BECN1: variants seen among roughly 807,000 people sequenced by gnomAD.
BECN1 encodes the protein beclin-1.
BECN1 carries 15 observed loss-of-function variants against 60.1 expected under a neutral mutation model. The observed-to-expected ratio is 0.25, with a 90% confidence interval of 0.17 to 0.38. The LOEUF (loss-of-function observed/expected upper bound fraction) is 0.38, where lower values mean the gene tolerates loss of function less well. Among genes scored for constraint, BECN1 ranks in the 10% least tolerant of loss-of-function variants. The pLI, the probability that BECN1 is intolerant of heterozygous loss-of-function variation, is 1.00. For synonymous variants in BECN1, 179 were observed against 201.8 expected (o/e 0.89, Z 0.96); for missense variants, 424 against 548.2 (o/e 0.77, Z 2.26).
rs146110339 is a variant in BECN1 at position 42,822,060 on chromosome 17, G to A, written c.131-1219C>T. 2.0e-3 allele frequency among the ~76,000 whole-genome samples: 309 copies of A among 152,220 alleles called. 2 individuals are homozygous for A. Among genetic ancestry groups the A allele is most frequent in the African/African-American group, 7.3e-3 (302 of 41,526 alleles). Reference sequence around the variant, plus strand: ...TCTACTAAAAATACAAAAATTAGCTGGGCGTGGCGGTGTGTGCCTGCAGTC... The same window carrying A: ...TCTACTAAAAATACAAAAATTAGCTAGGCGTGGCGGTGTGTGCCTGCAGTC... On this transcript the variant is annotated intron_variant, in intron 2 of 11. Coordinates refer to ENST00000590099, the MANE Select transcript of BECN1 (RefSeq NM_001313998.2).
intron 8 of BECN1, 182 bp from the exon 9 acceptor site, chr17:42,814,855 G>T: frequency 1.3e-6 from 1 of 746,318 alleles, no homozygotes; most frequent in Non-Finnish European, 2.1e-6. Context: ...CTGCTCAGAT[G>T]CCAAAGCAGA....
At position 42,810,600 on chromosome 17, in the gene BECN1, G is replaced by T; in HGVS notation, c.*160C>A. Reference sequence around the variant, plus strand: ...CATGTTGTAGCTCTGGAAAGTATCTGTCACATGATATTTTAAAATAAAGTG... The same window carrying T: ...CATGTTGTAGCTCTGGAAAGTATCTTTCACATGATATTTTAAAATAAAGTG... On this transcript the variant is annotated 3_prime_UTR_variant, in exon 12 of 12. Coordinates refer to ENST00000590099, the MANE Select transcript of BECN1 (RefSeq NM_001313998.2). 1 of 734,648 alleles carries T rather than the reference G, an allele frequency of 1.4e-6. No individual in the cohort carries two copies. Among genetic ancestry groups the T allele is most frequent in the Non-Finnish European group, 2.0e-6 (1 of 491,854 alleles). The allele number at this position is 734,648 out of a possible 1,614,324, so 45.5% of individuals were successfully genotyped here. A position where few individuals can be genotyped will look rare whatever the true frequency, so the allele number is the denominator to read the frequency against.
At chr17:42,817,946 G>A in intron 7 of BECN1, among the ~76,000 whole-genome samples, 1 of 152,134 alleles carries the variant, frequency 6.6e-6, no homozygotes. Context: ...ATCCAAATGA[G>A]CCCATTCCCT....
At chr17:42,821,917 A>G (rs1240292744) in intron 2 of BECN1, among the ~76,000 whole-genome samples, 1 of 152,226 alleles carries the variant, frequency 6.6e-6, no homozygotes, top group Non-Finnish European at 1.5e-5. Context: ...ATTGTTATTA[A>G]AAGAGTTTAA....
intron 9 of BECN1, 117 bp downstream of exon 9, chr17:42,814,407 G>GA: frequency 7.1e-7 from 1 of 1,409,436 alleles, no homozygotes; most frequent in South Asian, 1.3e-5. Flanking sequence ...TTCAGCCACA[G>GA]AAAACTCCCA....
chr17:42,823,962 G>A, intron 1 of BECN1, 83 bp from the exon 2 acceptor site: 1 of 1,513,646 alleles, frequency 6.6e-7, no homozygotes, highest in Non-Finnish European at 9.0e-7. Context: ...CCTTGGTGAC[G>A]ATGGTAAAGG....
Position 42,820,787 on chromosome 17 carries a change from G to A in BECN1, c.185C>T (p.Thr62Ile), listed in dbSNP as rs947007000. ...CACTTCTATTACCTCTCCTGAGTTAGTCTCTTCCTCCTGGGTCTCTCCTGG... is the reference window on the plus strand; with the variant it reads ...CACTTCTATTACCTCTCCTGAGTTAATCTCTTCCTCCTGGGTCTCTCCTGG... ...AKPGETQEEE[T>I]NSGEEPFIET... The change falls in exon 3 of 12, where the codon ACT (threonine) becomes ATT (isoleucine). Residue 62 changes from threonine (T) to isoleucine (I), a missense_variant. Coordinates refer to ENST00000590099, the MANE Select transcript of BECN1 (RefSeq NM_001313998.2). The A allele has an allele frequency of 4.4e-6, 7 of 1,592,468 alleles. No homozygotes were observed. The highest frequency in any genetic ancestry group is 1.8e-5 in the Admixed American group (1 of 56,710).
intron 2 of BECN1, among the ~76,000 whole-genome samples, chr17:42,822,569 T>A (rs1217522955): frequency 1.3e-5 from 2 of 152,176 alleles, no homozygotes; most frequent in East Asian, 3.9e-4. Flanking sequence ...TGGGGTTTTT[T>A]ATTTTTTTTA....
intron 8 of BECN1, 27 bp downstream of exon 8, chr17:42,815,881 T>C (rs764238116): frequency 1.2e-6 from 2 of 1,613,974 alleles, no homozygotes; most frequent in African/African-American, 1.3e-5. Flanking sequence ...ATATGTGCAG[T>C]GCTCCTCATC....
In BECN1 at chr17:42,818,649, C is replaced by T. The variant is rs753640543; in HGVS notation, c.383G>A (p.Gly128Asp). The T allele has an allele frequency of 3.1e-6, 5 of 1,614,172 alleles. No individual in the cohort carries two copies. The highest frequency in any genetic ancestry group is 4.2e-6 in the Non-Finnish European group (5 of 1,180,032). ...VTGDLFDIMS[G>D]QTDVDHPLCE... ...GAGTGGGTGATCCACATCTGTCTGG[C>T]CCGACATGATGTCAAAAAGGTCCCC... Residue 128 changes from glycine to aspartate, a missense_variant, in exon 6 of 12, where the codon GGC becomes GAC. Coordinates refer to ENST00000590099, the MANE Select transcript of BECN1 (RefSeq NM_001313998.2).
rs768996795 is a variant in BECN1, at chr17:42,818,599, A to G, written c.433T>C (p.Leu145=). The G allele has an allele frequency of 2.4e-5, 38 of 1,614,052 alleles. No individual in the cohort carries two copies. The highest frequency in any genetic ancestry group is 1.6e-4 in the Middle Eastern group (1 of 6,084). The change falls in exon 6 of 12, where the codon TTA becomes CTA. Residue 145 remains leucine, a synonymous_variant. Coordinates refer to ENST00000590099, the MANE Select transcript of BECN1 (RefSeq NM_001313998.2). ...TTGAGCTGAGTGTCCAGCTGGTCTA[A>G]AAGAGTATCTGTGCATTCCTCACAG... The part of the protein sequence containing the change: ...PLCEECTDTL[L]DQLDTQLNVT...
chr17:42,820,788 T>C lies in BECN1; in HGVS notation c.184A>G (p.Thr62Ala), dbSNP rs2055247088. ...ACTTCTATTACCTCTCCTGAGTTAG[T>C]CTCTTCCTCCTGGGTCTCTCCTGGT... ...AKPGETQEEETNSGEEPFIET... is the reference protein window; with the variant it reads ...AKPGETQEEEANSGEEPFIET... The change falls in exon 3 of 12, where the codon ACT (threonine) becomes GCT (alanine). Residue 62 changes from threonine (T) to alanine (A), a missense_variant. Around this residue, in one of 3 missense-constraint regions of BECN1, gnomAD observed 96 missense variants for 125.6 expected, o/e 0.76. Transcript: ENST00000590099. 1 of 1,592,758 alleles carries C rather than the reference T, an allele frequency of 6.3e-7. No homozygotes were observed. Among genetic ancestry groups the C allele is most frequent in the African/African-American group, 1.3e-5 (1 of 74,738 alleles).
rs772415357 is a variant in BECN1 at position 42,813,943 on chromosome 17, A to T, written c.1041+5T>A. On this transcript the variant is annotated splice_donor_5th_base_variant and intron_variant, in intron 10 of 11. Transcript: ENST00000590099. ...TTCCAGTGAAAATGGAGCTTCACAG[A>T]GTACCTTAGATTTGTCTGTCAGAGA... is the stretch of plus-strand genomic sequence containing the variant. 4 of 1,582,118 alleles carry T rather than the reference A, an allele frequency of 2.5e-6. No homozygotes were observed. Among genetic ancestry groups the T allele is most frequent in the Non-Finnish European group, 3.5e-6 (4 of 1,157,720 alleles).
In BECN1 at chr17:42,818,909, G is replaced by C. The variant is rs1374180615; in HGVS notation, c.261-32C>G. On this transcript the variant is annotated intron_variant, in intron 4 of 11. Transcript: ENST00000590099. ...ACAGCCCCCCGCCCACGGGCCACAT[G>C]AGGGAACAGAGAGGCTTCCTCCACC... 4 of 1,610,682 alleles carry C rather than the reference G, an allele frequency of 2.5e-6. No individual in the cohort carries two copies. In the African/African-American group the frequency reaches 5.3e-5, roughly 21 times the overall value.
chr17:42,810,521 A>G lies in BECN1; in HGVS notation c.*239T>C. 1 of 344,462 alleles carries G rather than the reference A, an allele frequency of 2.9e-6. No individual in the cohort carries two copies. Among genetic ancestry groups the G allele is most frequent in the Non-Finnish European group, 5.2e-6 (1 of 193,714 alleles). The allele number at this position is 344,462 out of a possible 1,614,324, so 21.3% of individuals were successfully genotyped here. On this transcript the variant is annotated 3_prime_UTR_variant, in exon 12 of 12. Coordinates refer to ENST00000590099, the MANE Select transcript of BECN1 (RefSeq NM_001313998.2). The stretch of plus-strand genomic sequence containing the variant: ...AGTTTTTTTCAGAGAAGAAAGGGAA[A>G]GGAGTCCATGGGGTTAAGAATCAAA...
intron 8 of BECN1, 127 bp downstream of exon 8, chr17:42,815,781 G>T: frequency 1.6e-6 from 2 of 1,257,450 alleles, no homozygotes; most frequent in Non-Finnish European, 2.3e-6. Flanking sequence ...CACTATGAAT[G>T]AAAGAAACCT....
Position 42,823,837 on chromosome 17 carries a change from A to T in BECN1, c.41T>A (p.Val14Glu), listed in dbSNP as rs768622632. The T allele has an allele frequency of 6.2e-7, 1 of 1,614,000 alleles. No homozygotes were observed. Among genetic ancestry groups the T allele is most frequent in the Non-Finnish European group, 8.5e-7 (1 of 1,179,962 alleles). ...SKTSNNSTMQ[V>E]SFVCQRCSQP... Reference sequence around the variant, plus strand: ...GCTGCAGCGCTGGCACACGAAGCTCACCTGCATGGTGCTGTTGTTGGACGT... The same window carrying T: ...GCTGCAGCGCTGGCACACGAAGCTCTCCTGCATGGTGCTGTTGTTGGACGT... Residue 14 changes from valine to glutamate, a missense_variant, in exon 2 of 12, where the codon GTG becomes GAG. Physicochemically the swap from Val to Glu is moderately radical, Grantham distance 121. Transcript: ENST00000590099.
intron 9 of BECN1, 61 bp from the exon 10 acceptor site, chr17:42,814,069 G>A: frequency 3.3e-6 from 4 of 1,215,630 alleles, no homozygotes; most frequent in Non-Finnish European, 4.7e-6. Flanking sequence ...TTATTGGGAA[G>A]TTACAACCCA....
At position 42,811,809 on chromosome 17, in the gene BECN1, G is replaced by A. The variant is rs374651737; in HGVS notation, c.1042-12C>T. On this transcript the variant is annotated splice_polypyrimidine_tract_variant and intron_variant, in intron 10 of 11. Coordinates refer to ENST00000590099, the MANE Select transcript of BECN1 (RefSeq NM_001313998.2). The stretch of plus-strand genomic sequence containing the variant: ...TATAACGGCAGCTCCTGCCCAAGAA[G>A]AGAAAACTGGCTATGGATCTGGCAC... The A allele has an allele frequency of 1.9e-6, 3 of 1,605,660 alleles. No individual in the cohort carries two copies. Among genetic ancestry groups the A allele is most frequent in the Non-Finnish European group, 2.5e-6 (3 of 1,177,240 alleles).
Sources: gnomAD v4.1 joint callset for allele counts (sites outside exome capture counted in the v4.1 genomes callset) on GRCh38, gnomAD v4.1.1 for gene constraint, gnomAD v4.1.1 regional missense constraint, MANE v1.5 for transcripts, NCBI Gene and HGNC (gene_info 2026-07-23, HGNC 2026-07-21) for gene names.